SORCS3: variants seen among roughly 807,000 people sequenced by gnomAD.
The protein encoded by SORCS3 is sortilin related VPS10 domain containing receptor 3, also known as VPS10 domain-containing receptor SorCS3.
Under a neutral mutation model 146.3 loss-of-function variants are expected in SORCS3, and 57 were observed. The ratio of observed to expected loss-of-function variants is 0.39; its 90% CI spans 0.31 to 0.49. The LOEUF is 0.49. Among genes scored for constraint, SORCS3 ranks in the 20% least tolerant of loss-of-function variants. SORCS3 has a pLI of 0.92. For missense variants in SORCS3, 1,341 were observed against 1,575.5 expected (o/e 0.85, Z 2.52); for synonymous variants, 653 against 618.5 (o/e 1.06, Z -0.83).
intron 3 of SORCS3, among the ~76,000 whole-genome samples, chr10:104,957,610 A>G (rs1200532771): frequency 6.6e-6 from 1 of 151,386 alleles, no homozygotes; most frequent in African/African-American, 2.5e-5. Flanking sequence ...AAAATACAAA[A>G]CCATCACATT....
chr10:104,749,100 T>A (rs1355073946), intron 1 of SORCS3, among the ~76,000 whole-genome samples: 1 of 152,184 alleles, frequency 6.6e-6, no homozygotes, highest in Non-Finnish European at 1.5e-5. Context: ...CTGCTTCATG[T>A]CTACTGCAGT....
At chr10:104,805,157 G>GA (rs2017667018) in intron 1 of SORCS3, among the ~76,000 whole-genome samples, 1 of 152,208 alleles carries the variant, frequency 6.6e-6, no homozygotes, top group Non-Finnish European at 1.5e-5. Context: ...CCCTTGAGTA[G>GA]AAGGAAGGAG....
At chr10:105,059,687 C>T (rs1323489492) in intron 5 of SORCS3, among the ~76,000 whole-genome samples, 1 of 152,190 alleles carries the variant, frequency 6.6e-6, no homozygotes, top group Non-Finnish European at 1.5e-5. Flanking sequence ...TTTCCCCAAT[C>T]CCTTGGCTTG....
intron 4 of SORCS3, among the ~76,000 whole-genome samples, chr10:104,997,119 A>G (rs2055032005): frequency 2.6e-5 from 4 of 152,170 alleles, no homozygotes; most frequent in African/African-American, 9.6e-5. Context: ...GTGATGGAGA[A>G]TAATAGGAAA....
At chr10:105,239,350 T>A (rs1029628781) in intron 20 of SORCS3, among the ~76,000 whole-genome samples, 3 of 152,188 alleles carry the variant, frequency 2.0e-5, no homozygotes, top group Non-Finnish European at 4.4e-5. Context: ...GCAGCTGTTA[T>A]CAAGGTATGC....
chr10:105,233,127 T>A (rs1384339669), intron 20 of SORCS3, among the ~76,000 whole-genome samples: 1 of 151,964 alleles, frequency 6.6e-6, no homozygotes. Context: ...AAAAAAAAAC[T>A]TTTTAAAGTG....
intron 9 of SORCS3, 109 bp from the exon 10 acceptor site, chr10:105,157,029 T>G: frequency 4.6e-6 from 6 of 1,295,354 alleles, no homozygotes; most frequent in Non-Finnish European, 4.3e-6. Flanking sequence ...CTTTTCTTGC[T>G]TGGAACCCCA....
chr10:104,872,733 T>C (rs539316283), intron 2 of SORCS3, among the ~76,000 whole-genome samples: 5 of 152,284 alleles, frequency 3.3e-5, no homozygotes, highest in African/African-American at 1.2e-4. Context: ...GATTCCTTTC[T>C]TTAGCTCTAT....
At chr10:104,936,827 A>G (rs922594084) in intron 3 of SORCS3, among the ~76,000 whole-genome samples, 11 of 152,330 alleles carry the variant, frequency 7.2e-5, no homozygotes, top group Middle Eastern at 3.4e-3. Flanking sequence ...AGGTACAGGG[A>G]TCACCAAATG....
chr10:104,724,473 G>A (rs2016597464), intron 1 of SORCS3, among the ~76,000 whole-genome samples: 1 of 152,030 alleles, frequency 6.6e-6, no homozygotes, highest in Admixed American at 6.6e-5. Context: ...CTCTTCTCGA[G>A]GAGTATCTTT....
At chr10:104,822,666 C>A (rs191104658) in intron 1 of SORCS3, among the ~76,000 whole-genome samples, 1 of 152,288 alleles carries the variant, frequency 6.6e-6, no homozygotes, top group East Asian at 1.9e-4. Context: ...CTGCAAAAGA[C>A]TGGAGGAGAG....
intron 20 of SORCS3, among the ~76,000 whole-genome samples, chr10:105,242,064 CT>C (rs2056826763): frequency 2.6e-5 from 4 of 151,870 alleles, no homozygotes; most frequent in Admixed American, 6.6e-5. Context: ...GTACCCGCCC[CT>C]ATCTGCCTAG....
intron 4 of SORCS3, among the ~76,000 whole-genome samples, chr10:105,010,022 C>A (rs2055124226): frequency 6.6e-6 from 1 of 152,128 alleles, no homozygotes; most frequent in African/African-American, 2.4e-5. Context: ...CAATCAAACC[C>A]TGAGGCACAA....
rs377081816 is a variant in SORCS3, at chr10:105,090,650, C to T, written c.1093+811C>T. Reference sequence around the variant, plus strand: ...GGCAGAGGTGCAGCAGAACAAGCACCTGTCTGTGAGTTGGGGTACTCGGCT... The same window carrying T: ...GGCAGAGGTGCAGCAGAACAAGCACTTGTCTGTGAGTTGGGGTACTCGGCT... On this transcript the variant is annotated intron_variant, in intron 6 of 26. Coordinates refer to ENST00000369701, the MANE Select transcript of SORCS3 (RefSeq NM_014978.3). Among the ~76,000 whole-genome samples, 26 of 152,250 alleles carry T rather than the reference C, an allele frequency of 1.7e-4. No individual in the cohort carries two copies. In the East Asian group the frequency reaches 3.7e-3, roughly 21 times the overall value.
intron 1 of SORCS3, among the ~76,000 whole-genome samples, chr10:104,808,791 T>C (rs1013520533): frequency 6.6e-6 from 1 of 152,216 alleles, no homozygotes; most frequent in African/African-American, 2.4e-5. Context: ...ATGAAGCAGA[T>C]ACTAGAATTA....
intron 1 of SORCS3, among the ~76,000 whole-genome samples, chr10:104,745,788 G>A (rs547915958): frequency 3.9e-5 from 6 of 152,182 alleles, no homozygotes; most frequent in African/African-American, 1.4e-4. Context: ...GCTTTTATAA[G>A]TTTGACTATT....
At chr10:104,713,910 A>G (rs2016447661) in intron 1 of SORCS3, among the ~76,000 whole-genome samples, 2 of 152,130 alleles carry the variant, frequency 1.3e-5, no homozygotes, top group African/African-American at 4.8e-5. Flanking sequence ...TGGAAGGTTT[A>G]TTATTGACTC....
rs17117851 is a variant in SORCS3 at position 104,874,780 on chromosome 10, C to T, written c.695+31921C>T. On this transcript the variant is annotated intron_variant, in intron 2 of 26. Transcript: ENST00000369701. ...TACCATATCCCTGGCTTGCAGCTCTCTTCTGCATCACATCCTGGGAAATCC... is the reference window on the plus strand; with the variant it reads ...TACCATATCCCTGGCTTGCAGCTCTTTTCTGCATCACATCCTGGGAAATCC... Among the ~76,000 whole-genome samples, 318 of 152,244 alleles carry T rather than the reference C, an allele frequency of 2.1e-3. 11 individuals carry two copies. In the East Asian group the frequency reaches 0.054, roughly 26 times the overall value.
intron 1 of SORCS3, among the ~76,000 whole-genome samples, chr10:104,691,337 T>C (rs2016109206): frequency 6.6e-6 from 1 of 152,160 alleles, no homozygotes; most frequent in Non-Finnish European, 1.5e-5. Context: ...AAGAAGTTGT[T>C]TGTGTGGGTT....
Sources: allele counts gnomAD v4.1 joint callset (sites outside exome capture counted in the v4.1 genomes callset), GRCh38; gene constraint gnomAD v4.1.1; transcripts MANE v1.5; gene names NCBI Gene and HGNC (gene_info 2026-07-23, HGNC 2026-07-21).